The following NAALADL2 variants were observed in gnomAD, a reference collection of about 807,000 sequenced individuals.
NAALADL2 encodes N-acetylated alpha-linked acidic dipeptidase like 2.
Under a neutral mutation model 87.2 loss-of-function variants are expected in NAALADL2, and 76 were observed. The ratio of observed to expected loss-of-function variants is 0.87; its 90% CI spans 0.72 to 1.05. The LOEUF (loss-of-function observed/expected upper bound fraction) is 1.05. Among genes scored for constraint, NAALADL2 ranks in the 50% least tolerant of loss-of-function variants. The pLI is 0.00. For synonymous variants in NAALADL2, 354 were observed against 331.0 expected (o/e 1.07, Z -0.75); for missense variants, 1,089 against 945.8 (o/e 1.15, Z -1.99).
chr3:175,016,543 T>A (rs1167083487), intron 1 of NAALADL2, among the ~76,000 whole-genome samples: 1 of 151,476 alleles, frequency 6.6e-6, no homozygotes, highest in Non-Finnish European at 1.5e-5. Flanking sequence ...AGGTTTCTTT[T>A]GGTCTTTCTG....
chr3:175,242,073 G>A (rs1447706066), intron 3 of NAALADL2, among the ~76,000 whole-genome samples: 1 of 151,572 alleles, frequency 6.6e-6, no homozygotes, highest in Non-Finnish European at 1.5e-5. Context: ...TGTTGGCCAG[G>A]CTGGTCTTGA....
intron 1 of NAALADL2, among the ~76,000 whole-genome samples, chr3:174,921,804 CAAAAAAAA>C (rs546555666): frequency 2.4e-5 from 1 of 42,432 alleles, no homozygotes; most frequent in African/African-American, 1.1e-4. Context: ...GACTCCGTCT[CAAAAAAAA>C]AAAAAAAAAG....
chr3:174,736,826 T>C (rs1733259507), intron 2 of NAALADL2, among the ~76,000 whole-genome samples: 1 of 152,162 alleles, frequency 6.6e-6, no homozygotes, highest in South Asian at 2.1e-4. Context: ...AGGCTGTTTG[T>C]GCTGAGGGGC....
At position 174,508,274 on chromosome 3, in the gene NAALADL2, C is replaced by T. The variant is rs549705896; in HGVS notation, c.-183-42295C>T. On this transcript the variant is annotated intron_variant, in intron 1 of 3. Coordinates refer to the NAALADL2 transcript ENST00000434257. ...GACTACAGGCGCCTGCCACCATGCC[C>T]GGCTAATTTTTTGTATTTTTAGTGG... Among the ~76,000 whole-genome samples, 6 of 151,950 alleles carry T rather than the reference C, an allele frequency of 3.9e-5. No individual in the cohort carries two copies. In the South Asian group the frequency reaches 1.2e-3, roughly 32 times the overall value.
chr3:175,280,651 T>C (rs1754173798), intron 4 of NAALADL2, among the ~76,000 whole-genome samples: 1 of 152,038 alleles, frequency 6.6e-6, no homozygotes, highest in African/African-American at 2.4e-5. Context: ...AAATAACCTG[T>C]GTTTAAGAGA....
chr3:175,790,087 C>T (rs1242418864), intron 13 of NAALADL2, among the ~76,000 whole-genome samples: 1 of 152,066 alleles, frequency 6.6e-6, no homozygotes, highest in Non-Finnish European at 1.5e-5. Context: ...CTAGGATTGG[C>T]TAACTTAATT....
intron 3 of NAALADL2, among the ~76,000 whole-genome samples, chr3:174,805,993 C>T (rs9290518): frequency 0.73 from 111,113 of 152,020 alleles, 41,077 homozygotes; most frequent in African/African-American, 0.85. Context: ...TTTCTGCCTC[C>T]GTAGCAGCAG....
rs1013360055 is a variant in NAALADL2, at chr3:174,611,763, G to A, written c.-115+61126G>A. 7.3e-5 allele frequency among the ~76,000 whole-genome samples: 11 copies of A among 150,342 alleles called. No individual in the cohort carries two copies. The South Asian group carries it at 1.5e-3, about 20-fold the overall frequency. On this transcript the variant is annotated intron_variant, in intron 2 of 3. Coordinates refer to the NAALADL2 transcript ENST00000434257. The stretch of plus-strand genomic sequence containing the variant: ...ATGCCGCCACGCCTGGCTAATTTTT[G>A]TATTTTTTTTTTTAGTAGAGACGGG...
Position 174,501,243 on chromosome 3 carries a change from T to C in NAALADL2, c.-183-49326T>C, listed in dbSNP as rs11915524. Among the ~76,000 whole-genome samples the C allele has an allele frequency of 5.8e-3, 871 of 149,100 alleles. 69 individuals carry two copies. The highest frequency in any genetic ancestry group is 0.02 in the African/African-American group (765 of 38,926). On this transcript the variant is annotated intron_variant, in intron 1 of 3. Coordinates refer to the NAALADL2 transcript ENST00000434257. ...ACAGGCGCCCGCCACTACGCCCGGCTAATTTTTTGTATTTTTAGTAGAGAC... is the reference window on the plus strand; with the variant it reads ...ACAGGCGCCCGCCACTACGCCCGGCCAATTTTTTGTATTTTTAGTAGAGAC...
At chr3:174,609,322 C>G (rs192784032) in intron 2 of NAALADL2, among the ~76,000 whole-genome samples, 24 of 151,846 alleles carry the variant, frequency 1.6e-4, no homozygotes, top group Admixed American at 3.9e-4. Flanking sequence ...AGGGCAATTA[C>G]GCAGGAGAAG....
At chr3:175,213,661 A>G (rs568041756) in intron 2 of NAALADL2, among the ~76,000 whole-genome samples, 2 of 152,276 alleles carry the variant, frequency 1.3e-5, no homozygotes, top group African/African-American at 4.8e-5. Flanking sequence ...AGAACTGAGT[A>G]GGCACTGTGC....
chr3:174,823,408 A>G (rs1489955072), intron 3 of NAALADL2, among the ~76,000 whole-genome samples: 1 of 152,220 alleles, frequency 6.6e-6, no homozygotes, highest in East Asian at 1.9e-4. Context: ...CTGGAGCATG[A>G]GGCTGCAGTA....
rs1443800999 is a variant in NAALADL2 at position 175,219,571 on chromosome 3, T to C, written c.546-14360T>C. Among the ~76,000 whole-genome samples the C allele has an allele frequency of 2.6e-5, 4 of 152,150 alleles. No individual in the cohort carries two copies. The East Asian group carries it at 7.7e-4, about 29-fold the overall frequency. ...TCAGTTTTGTCTTCCTCGTTAGCGG[T>C]TTCTCTTTTGTCTAACCAAGATAGT... On this transcript the variant is annotated intron_variant, in intron 2 of 13. Coordinates refer to ENST00000454872, the MANE Select transcript of NAALADL2 (RefSeq NM_207015.3).
At chr3:175,037,887 A>G (rs904666751) in intron 1 of NAALADL2, among the ~76,000 whole-genome samples, 2 of 152,094 alleles carry the variant, frequency 1.3e-5, no homozygotes, top group Non-Finnish European at 2.9e-5. Context: ...CTACATCAGA[A>G]TCAAATTGTA....
At chr3:175,104,924 G>T (rs558168042) in intron 2 of NAALADL2, among the ~76,000 whole-genome samples, 73 of 152,030 alleles carry the variant, frequency 4.8e-4, no homozygotes, top group Non-Finnish European at 9.3e-4. Context: ...GAGTTTCTCA[G>T]TGTTATGCAG....
intron 2 of NAALADL2, among the ~76,000 whole-genome samples, chr3:175,212,044 T>C (rs1457112627): frequency 6.6e-6 from 1 of 152,056 alleles, no homozygotes; most frequent in Non-Finnish European, 1.5e-5. Context: ...GGGATAACTG[T>C]TGTAATGTTT....
intron 6 of NAALADL2, among the ~76,000 whole-genome samples, chr3:175,458,704 T>C (rs1306037921): frequency 6.6e-6 from 1 of 151,948 alleles, no homozygotes; most frequent in Non-Finnish European, 1.5e-5. Context: ...AAATGGAATA[T>C]ATTTACTTAG....
chr3:175,804,603 C>G lies in NAALADL2; in HGVS notation c.*1400C>G, dbSNP rs1257564257. 2 of 151,788 alleles carry G rather than the reference C, an allele frequency of 1.3e-5. No homozygotes were observed. The highest frequency in any genetic ancestry group is 3.9e-4 in the East Asian group (2 of 5,174). The allele number at this position is 151,788 out of a possible 1,614,324, so 9.4% of individuals were successfully genotyped here. A position where few individuals can be genotyped will look rare whatever the true frequency, so the allele number is the denominator to read the frequency against. ...TCAGAGTATTTCATATAAATTTTCT[C>G]TATCTAATTCAAACATATCTCCCCA... is the stretch of plus-strand genomic sequence containing the variant. On this transcript the variant is annotated 3_prime_UTR_variant, in exon 14 of 14. Transcript: ENST00000454872.
chr3:175,093,830 G>C (rs1231248613), intron 1 of NAALADL2, among the ~76,000 whole-genome samples: 1 of 151,906 alleles, frequency 6.6e-6, no homozygotes, highest in African/African-American at 2.4e-5. Context: ...GTGTCAGGCA[G>C]ATATCCATCA....
Sources: allele counts gnomAD v4.1 joint callset (sites outside exome capture counted in the v4.1 genomes callset), GRCh38; gene constraint gnomAD v4.1.1; transcripts MANE v1.5; gene names NCBI Gene and HGNC (gene_info 2026-07-23, HGNC 2026-07-21).